MDH1B: variants seen among roughly 807,000 people sequenced by gnomAD.
MDH1B encodes the protein putative malate dehydrogenase 1B.
A neutral mutation model predicts 61.4 loss-of-function variants in MDH1B; 60 were observed. The ratio of observed to expected loss-of-function variants is 0.98; its 90% confidence interval spans 0.79 to 1.21. The LOEUF (loss-of-function observed/expected upper bound fraction) is 1.21, where lower values mean the gene tolerates loss of function less well. Ranked by LOEUF, MDH1B falls within the 50% of genes most tolerant of loss-of-function variation. The probability of loss-of-function intolerance (pLI) is 0.00; values close to 1 mark genes in which losing one functional copy is unlikely to be tolerated. For missense variants in MDH1B, 587 were observed against 632.1 expected (o/e 0.93, Z 0.76); for synonymous variants, 236 against 218.7 (o/e 1.08, Z -0.70).
intron 6 of MDH1B, 99 bp downstream of exon 6, chr2:206,750,835 T>C: frequency 9.3e-7 from 1 of 1,079,036 alleles, no homozygotes; most frequent in Non-Finnish European, 1.2e-6. Context: ...CAATGCAAGT[T>C]ATTTTTGTAC....
In MDH1B at chr2:206,739,644, G is replaced by A. The variant is rs1307304613; in HGVS notation, c.1477C>T (p.Gln493Ter). The part of the protein sequence containing the change: ...AMSDAAEFPN[Q>*]IPQTTFEKPQ... ...TTTTCAAAGGTGGTTTGAGGAATCT[G>A]ATTTGGAAACTCTGCTGCTGCAAAT... Residue 493 changes from glutamine to a stop codon, truncating the protein, a stop_gained, in exon 11 of 12, where the codon CAG becomes TAG. Coordinates refer to ENST00000374412, the MANE Select transcript of MDH1B (RefSeq NM_001039845.3). LOFTEE classifies it high-confidence loss of function. The A allele has an allele frequency of 6.2e-7, 1 of 1,614,026 alleles. No individual in the cohort carries two copies. The highest frequency in any genetic ancestry group is 8.5e-7 in the Non-Finnish European group (1 of 1,179,944).
intron 1 of MDH1B, among the ~76,000 whole-genome samples, chr2:206,761,692 A>G (rs1689105751): frequency 6.6e-6 from 1 of 152,150 alleles, no homozygotes; most frequent in Non-Finnish European, 1.5e-5. Flanking sequence ...CAGACACACA[A>G]TTTGTAGCCA....
In MDH1B at chr2:206,755,257, T is replaced by A; in HGVS notation, c.662A>T (p.Glu221Val). The A allele has an allele frequency of 6.2e-7, 1 of 1,614,194 alleles. No homozygotes were observed. Among genetic ancestry groups the A allele is most frequent in the South Asian group, 1.1e-5 (1 of 91,086 alleles). Residue 221 changes from glutamate (E) to valine (V), a missense_variant, in exon 5 of 12, where the codon GAG (glutamate) becomes GTG (valine). Transcript: ENST00000374412. ...IVVLDDSTNK[E>V]VFTLEDCLRS... ...GAGGCAGTCCTCCAGAGTGAACACC[T>A]CCTTGTTGGTGCTGTCATCCAGCAC...
At chr2:206,749,552 A>G (rs1006403660) in intron 6 of MDH1B, among the ~76,000 whole-genome samples, 1 of 152,218 alleles carries the variant, frequency 6.6e-6, no homozygotes, top group Non-Finnish European at 1.5e-5. Context: ...TTCATTAAAC[A>G]TTGAATTACA....
intron 10 of MDH1B, among the ~76,000 whole-genome samples, chr2:206,740,346 A>C (rs2105914333): frequency 6.6e-6 from 1 of 152,342 alleles, no homozygotes; most frequent in East Asian, 1.9e-4. Flanking sequence ...AATGTTATTA[A>C]GAAAATCATA....
At chr2:206,743,365 A>G (rs544279111) in intron 9 of MDH1B, among the ~76,000 whole-genome samples, 2 of 152,282 alleles carry the variant, frequency 1.3e-5, no homozygotes, top group Non-Finnish European at 2.9e-5. Flanking sequence ...GGTCTTTTAC[A>G]TCATCAGATT....
intron 9 of MDH1B, chr2:206,745,320 T>C (rs1370401214): frequency 7.7e-6 from 4 of 520,384 alleles, no homozygotes; most frequent in African/African-American, 1.9e-5. Flanking sequence ...AACAAGTAAA[T>C]TTCTGTTGTT....
At chr2:206,763,927 C>T (rs1272526209) in intron 1 of MDH1B, among the ~76,000 whole-genome samples, 3 of 149,144 alleles carry the variant, frequency 2.0e-5, no homozygotes, top group African/African-American at 7.7e-5. Context: ...TAGAACCCTG[C>T]CCTGTCAGTG....
chr2:206,765,190 G>A, intron 1 of MDH1B, 60 bp downstream of exon 1: 1 of 1,585,360 alleles, frequency 6.3e-7, no homozygotes, highest in East Asian at 2.3e-5. Context: ...GAGCGGCCAT[G>A]GGAGGTGAGC....
intron 6 of MDH1B, among the ~76,000 whole-genome samples, chr2:206,750,517 C>T (rs1039372792): frequency 7.9e-5 from 12 of 151,586 alleles, no homozygotes; most frequent in African/African-American, 2.9e-4. Flanking sequence ...GGACTGTGTT[C>T]CTCACCACCT....
chr2:206,752,142 TCA>T (rs1353179608), intron 5 of MDH1B, among the ~76,000 whole-genome samples: 2 of 152,176 alleles, frequency 1.3e-5, no homozygotes, highest in Non-Finnish European at 2.9e-5. Context: ...TCACCCTCTG[TCA>T]CACAGTTGTG....
In MDH1B at chr2:206,760,474, C is replaced by T. The variant is rs185215107; in HGVS notation, c.135+427G>A. 1.5e-4 allele frequency among the ~76,000 whole-genome samples: 23 copies of T among 152,274 alleles called. No individual in the cohort carries two copies. The East Asian group carries it at 1.9e-3, about 13-fold the overall frequency. On this transcript the variant is annotated intron_variant, in intron 2 of 11. Transcript: ENST00000374412. ...TTACCCAATCCTGCCACCCTCATTC[C>T]GTTTCAGGATGCTGTTCCCAAGACC...
rs745503724 is a variant in MDH1B, at chr2:206,755,066, C to A, written c.853G>T (p.Gly285Trp). ...IAHNIIAVAL[G>W]VEGEAKAILA... ...ATGGCTTTCGCTTCACCTTCCACCC[C>A]CAGCGCCACAGCAATAATGTTGTGT... The change falls in exon 5 of 12, where the codon GGG becomes TGG. Residue 285 changes from glycine (G) to tryptophan (W), a missense_variant. Gly to Trp is a radical substitution (Grantham distance 184). Transcript: ENST00000374412. 1.1e-5 allele frequency: 18 copies of A among 1,614,208 alleles called. No homozygotes were observed. In the South Asian group the frequency reaches 1.9e-4, roughly 17 times the overall value.
chr2:206,739,588 C>T lies in MDH1B; in HGVS notation c.1528+5G>A. 1.2e-6 allele frequency: 2 copies of T among 1,613,022 alleles called. No homozygotes were observed. The highest frequency in any genetic ancestry group is 2.2e-5 in the South Asian group (2 of 91,052). On this transcript the variant is annotated splice_donor_5th_base_variant and intron_variant, in intron 11 of 11. Coordinates refer to ENST00000374412, the MANE Select transcript of MDH1B (RefSeq NM_001039845.3). ...ATACTAGTTAATGTTTTGTCTACCA[C>T]CTACCATTTAGGAACTCAAGACTCT...
At chr2:206,758,811 G>A (rs1257978371) in intron 2 of MDH1B, among the ~76,000 whole-genome samples, 1 of 151,886 alleles carries the variant, frequency 6.6e-6, no homozygotes, top group African/African-American at 2.4e-5. Context: ...GTGGTACTAT[G>A]GAAGGCTAGA....
chr2:206,759,111 T>C (rs959225420), intron 2 of MDH1B, among the ~76,000 whole-genome samples: 2 of 152,072 alleles, frequency 1.3e-5, no homozygotes, highest in Non-Finnish European at 2.9e-5. Flanking sequence ...GTTAGTTATT[T>C]CTCGTGATCT....
chr2:206,747,463 C>T (rs932893736), intron 7 of MDH1B, among the ~76,000 whole-genome samples: 2 of 152,126 alleles, frequency 1.3e-5, no homozygotes, highest in East Asian at 3.9e-4. Flanking sequence ...GTTTTAAGTG[C>T]CTATTTCCCT....
intron 10 of MDH1B, 152 bp from the exon 11 acceptor site, chr2:206,739,813 T>A (rs1375989498): frequency 9.0e-6 from 6 of 670,222 alleles, no homozygotes; most frequent in Non-Finnish European, 1.5e-5. Context: ...ACCACTGTTA[T>A]ATAAAGTCTC....
chr2:206,755,378 C>G lies in MDH1B; in HGVS notation c.541G>C (p.Val181Leu), dbSNP rs1431953519. 1 of 1,614,090 alleles carries G rather than the reference C, an allele frequency of 6.2e-7. No individual in the cohort carries two copies. The highest frequency in any genetic ancestry group is 8.5e-7 in the Non-Finnish European group (1 of 1,180,042). ...KQAEEHLKSL[V>L]VETQDLASPV... ...GATGCCAGGTCTTGGGTCTCCACCA[C>G]AAGGCTTTTGAGATGTTCTTCCGCC... The change falls in exon 5 of 12, where the codon GTG becomes CTG. Residue 181 changes from valine (V) to leucine (L), a missense_variant. Physicochemically the swap from Val to Leu is conservative, Grantham distance 32. Transcript: ENST00000374412.
Sources: allele counts gnomAD v4.1 joint callset (sites outside exome capture counted in the v4.1 genomes callset), GRCh38; gene constraint gnomAD v4.1.1; transcripts MANE v1.5; gene names NCBI Gene and HGNC (gene_info 2026-07-23, HGNC 2026-07-21).